Variants in CEMIP2 observed in about 807,000 individuals in gnomAD.
CEMIP2 encodes the protein cell surface hyaluronidase CEMIP2.
A neutral mutation model predicts 146.9 loss-of-function variants in CEMIP2; 79 were observed. The ratio of observed to expected loss-of-function variants is 0.54; its 90% CI spans 0.45 to 0.65. CEMIP2 has a LOEUF of 0.65. CEMIP2 is among the 30% of genes least tolerant of loss of function. The probability of loss-of-function intolerance (pLI) is 0.00; values close to 1 mark genes in which losing one functional copy is unlikely to be tolerated. For synonymous variants in CEMIP2, 601 were observed against 606.3 expected, an observed-to-expected ratio of 0.99 and a Z score of 0.13; for missense variants, 1,596 against 1,696.2, an observed-to-expected ratio of 0.94 and a Z score of 1.04.
At chr9:71,715,287 A>G (rs1481434356) in intron 14 of CEMIP2, among the ~76,000 whole-genome samples, 198 bp from the exon 15 acceptor site, 2 of 136,320 alleles carry the variant, frequency 1.5e-5, no homozygotes, top group Admixed American at 8.0e-5. Flanking sequence ...CTGTCACCCA[A>G]TGCTCGAGTA....
chr9:71,748,770 C>A (rs1157162255), intron 2 of CEMIP2, among the ~76,000 whole-genome samples: 1 of 152,194 alleles, frequency 6.6e-6, no homozygotes, highest in Admixed American at 6.5e-5. Flanking sequence ...GCATGTCTCT[C>A]TCATTTGAGG....
At chr9:71,752,128 G>T (rs1824271870) in intron 1 of CEMIP2, among the ~76,000 whole-genome samples, 1 of 151,930 alleles carries the variant, frequency 6.6e-6, no homozygotes, top group Non-Finnish European at 1.5e-5. Context: ...CTTCCCCAAA[G>T]ATCACACAGT....
At chr9:71,721,274 C>A (rs766955575) in intron 12 of CEMIP2, among the ~76,000 whole-genome samples, 1 of 152,070 alleles carries the variant, frequency 6.6e-6, no homozygotes, top group Non-Finnish European at 1.5e-5. Context: ...AGATAGAATT[C>A]TTTATTTGCC....
In CEMIP2 at chr9:71,745,129, C is replaced by T. The variant is rs1473330533; in HGVS notation, c.923G>A (p.Arg308Gln). ...QEFLRFQDPG[R>Q]IVAIAVGDSA... ...ATCCCCGACAGCTATGGCAACAATC[C>T]GACCTGGATCCTGGAATCTCAGAAA... is the stretch of plus-strand genomic sequence containing the variant. Residue 308 changes from arginine to glutamine, a missense_variant, in exon 4 of 24, where the codon CGG (arginine) becomes CAG (glutamine). Arg to Gln is a conservative substitution (Grantham distance 43). Transcript: ENST00000377044. 1.9e-6 allele frequency: 3 copies of T among 1,614,110 alleles called. No individual in the cohort carries two copies. Among genetic ancestry groups the T allele is most frequent in the African/African-American group, 1.3e-5 (1 of 75,040 alleles).
intron 19 of CEMIP2, among the ~76,000 whole-genome samples, chr9:71,700,286 A>G (rs890977907): frequency 2.0e-5 from 3 of 152,250 alleles, no homozygotes; most frequent in African/African-American, 7.2e-5. Flanking sequence ...GGAAGAGAAA[A>G]ATGAGCTTTC....
At chr9:71,755,381 A>ACACACACACACACACAC (rs55856832) in intron 1 of CEMIP2, among the ~76,000 whole-genome samples, 11 of 149,222 alleles carry the variant, frequency 7.4e-5, no homozygotes, top group African/African-American at 2.2e-4. Flanking sequence ...ACACACACAC[A>ACACACACACACACACAC]AAATTAAATC....
At chr9:71,746,382 A>G in intron 2 of CEMIP2, 41 bp from the exon 3 acceptor site, 1 of 1,610,194 alleles carries the variant, frequency 6.2e-7, no homozygotes, top group South Asian at 1.1e-5. Context: ...ATTAAAATGC[A>G]GGAATAATAT....
intron 11 of CEMIP2, among the ~76,000 whole-genome samples, chr9:71,725,065 C>A (rs529228019): frequency 6.7e-6 from 1 of 149,046 alleles, no homozygotes; most frequent in Non-Finnish European, 1.5e-5. Context: ...ATGGAATGCT[C>A]TCTATATATC....
At chr9:71,745,995 G>A (rs565259356) in intron 3 of CEMIP2, among the ~76,000 whole-genome samples, 1 of 152,016 alleles carries the variant, frequency 6.6e-6, no homozygotes, top group Admixed American at 6.6e-5. Flanking sequence ...TGATACCTAA[G>A]GTCTAAGCTC....
chr9:71,734,736 A>G, intron 6 of CEMIP2, 70 bp downstream of exon 6: 1 of 1,429,938 alleles, frequency 7.0e-7, no homozygotes, highest in Admixed American at 2.1e-5. Flanking sequence ...CTGAGAGGAA[A>G]AAGGATTTCA....
chr9:71,714,294 T>C (rs1430110331), intron 15 of CEMIP2, among the ~76,000 whole-genome samples: 1 of 152,220 alleles, frequency 6.6e-6, no homozygotes, highest in Non-Finnish European at 1.5e-5. Flanking sequence ...GCCTCAGAAC[T>C]GAGATATGAA....
intron 6 of CEMIP2, 67 bp downstream of exon 6, chr9:71,734,739 G>T: frequency 6.9e-7 from 1 of 1,443,616 alleles, no homozygotes; most frequent in Non-Finnish European, 9.4e-7. Context: ...AGAGGAAAAA[G>T]GATTTCAGGA....
At chr9:71,692,585 A>G (rs577442260) in intron 21 of CEMIP2, among the ~76,000 whole-genome samples, 2 of 152,158 alleles carry the variant, frequency 1.3e-5, no homozygotes, top group South Asian at 4.1e-4. Flanking sequence ...CAGGACTGCT[A>G]AAGGAGGGGA....
In CEMIP2 at chr9:71,730,912, T is replaced by A. The variant is rs777862560; in HGVS notation, c.1566A>T (p.Ile522=). Residue 522 remains isoleucine (I), a splice_region_variant and synonymous_variant, in exon 8 of 24, where the codon ATA becomes ATT. Coordinates refer to ENST00000377044, the MANE Select transcript of CEMIP2 (RefSeq NM_013390.3). ...GATGGACTGAAGTAAAATTTTTCAT[T>A]ATCTGTAAGTCAAGGTACTAAAATC... ...DYDTFGGHIM[I]MKNFTSVHLS... The A allele has an allele frequency of 7.4e-6, 12 of 1,613,948 alleles. No individual in the cohort carries two copies. In the South Asian group the frequency reaches 1.1e-4, roughly 15 times the overall value.
intron 4 of CEMIP2, among the ~76,000 whole-genome samples, chr9:71,742,425 T>A (rs1463447800): frequency 1.3e-5 from 2 of 152,178 alleles, no homozygotes; most frequent in Non-Finnish European, 2.9e-5. Context: ...TCCAAAACAC[T>A]CCTACTTCCC....
chr9:71,692,346 C>T (rs995265534), intron 21 of CEMIP2, among the ~76,000 whole-genome samples: 1 of 115,868 alleles, frequency 8.6e-6, no homozygotes, highest in Non-Finnish European at 1.6e-5. Flanking sequence ...ATCTCTCTCT[C>T]TCTCTCTCTC....
intron 20 of CEMIP2, 125 bp downstream of exon 20, chr9:71,697,860 T>A: frequency 1.0e-6 from 1 of 983,698 alleles, no homozygotes. Context: ...GGGCCAAAAT[T>A]CAGGAGATGC....
intron 6 of CEMIP2, 120 bp from the exon 7 acceptor site, chr9:71,732,640 C>G: frequency 1.3e-6 from 1 of 788,030 alleles, no homozygotes; most frequent in Non-Finnish European, 1.7e-6. Context: ...TTATCATCTG[C>G]TCCCATTCTC....
intron 13 of CEMIP2, among the ~76,000 whole-genome samples, chr9:71,717,440 T>A (rs1823091818): frequency 6.6e-6 from 1 of 151,976 alleles, no homozygotes; most frequent in Non-Finnish European, 1.5e-5. Flanking sequence ...GAACACTAAA[T>A]CTTAGCTCAA....
Sources: allele counts gnomAD v4.1 joint callset (sites outside exome capture counted in the v4.1 genomes callset), GRCh38; gene constraint gnomAD v4.1.1; transcripts MANE v1.5; gene names NCBI Gene and HGNC (gene_info 2026-07-23, HGNC 2026-07-21).